GABRG3: variants seen among roughly 807,000 people sequenced by gnomAD.
The protein encoded by GABRG3 is gamma-aminobutyric acid type A receptor subunit gamma3, also known as gamma-aminobutyric acid receptor subunit gamma-3.
In GABRG3, 25 loss-of-function variants were observed where a neutral mutation model predicts 48.8. That is an observed-to-expected ratio of 0.51 (90% CI 0.37 to 0.72). The LOEUF (loss-of-function observed/expected upper bound fraction) is 0.72. Among genes scored for constraint, GABRG3 ranks in the 30% least tolerant of loss-of-function variants. The pLI, the probability that GABRG3 is intolerant of heterozygous loss-of-function variation, is 0.00. For synonymous variants in GABRG3, 227 were observed against 217.6 expected (o/e 1.04, Z -0.38); for missense variants, 394 against 577.9 (o/e 0.68, Z 3.26).
At position 27,457,478 on chromosome 15, in the gene GABRG3, A is replaced by G. The variant is rs1889318120; in HGVS notation, c.575-23172A>G. 6.6e-6 allele frequency among the ~76,000 whole-genome samples: 1 copy of G among 152,132 alleles called. No individual in the cohort carries two copies. Among genetic ancestry groups the G allele is most frequent in the South Asian group, 2.1e-4 (1 of 4,822 alleles). On this transcript the variant is annotated intron_variant, in intron 5 of 9. Transcript: ENST00000615808. The surrounding 1 kb of genome is among the most constrained non-coding windows in gnomAD (Gnocchi z 4.4). The stretch of plus-strand genomic sequence containing the variant: ...TTCTTGGGCACATTTCTTTCTTGAG[A>G]TAAACAATCTTTTAACACAGCAATG...
At position 27,256,098 on chromosome 15, in the gene GABRG3, G is replaced by C. The variant is rs139452683; in HGVS notation, c.271-70711G>C. Among the ~76,000 whole-genome samples the C allele has an allele frequency of 3.5e-3, 533 of 152,182 alleles. 4 individuals are homozygous for C. Among genetic ancestry groups the C allele is most frequent in the African/African-American group, 0.012 (491 of 41,524 alleles). On this transcript the variant is annotated intron_variant, in intron 3 of 9. Coordinates refer to ENST00000615808, the MANE Select transcript of GABRG3 (RefSeq NM_033223.5). The stretch of plus-strand genomic sequence containing the variant: ...CACGTGGGCCCAATCCAATCACCAG[G>C]GTCTTTGTAAGAGGGAGGCAAGAGG...
At chr15:27,300,379 G>A (rs1199793535) in intron 3 of GABRG3, among the ~76,000 whole-genome samples, 4 of 152,028 alleles carry the variant, frequency 2.6e-5, no homozygotes, top group Non-Finnish European at 5.9e-5. Flanking sequence ...TTAAAAACAT[G>A]CAGGCCAGGC....
chr15:27,101,081 A>G (rs1897348157), intron 3 of GABRG3, among the ~76,000 whole-genome samples: 1 of 152,246 alleles, frequency 6.6e-6, no homozygotes, highest in Admixed American at 6.5e-5. Flanking sequence ...AATCTACCAG[A>G]TAATCCTAGG....
In GABRG3 at chr15:27,205,703, C is replaced by T. The variant is rs566042023; in HGVS notation, c.271-121106C>T. Among the ~76,000 whole-genome samples the T allele has an allele frequency of 2.2e-4, 34 of 151,522 alleles. 1 individual carries two copies. The South Asian group carries it at 6.9e-3, about 31-fold the overall frequency. On this transcript the variant is annotated intron_variant, in intron 3 of 9. Coordinates refer to ENST00000615808, the MANE Select transcript of GABRG3 (RefSeq NM_033223.5). ...AATTCATTTGGGCCAGGGCTTTTCCCGGTTGGTAGGATTTTTTTTTTTTTA... is the reference window on the plus strand; with the variant it reads ...AATTCATTTGGGCCAGGGCTTTTCCTGGTTGGTAGGATTTTTTTTTTTTTA...
chr15:27,270,608 G>A (rs1021327344), intron 3 of GABRG3, among the ~76,000 whole-genome samples: 1 of 152,136 alleles, frequency 6.6e-6, no homozygotes, highest in Admixed American at 6.5e-5. Flanking sequence ...AAATTGGAGA[G>A]GTTGTTCCAC....
At chr15:27,308,242 A>T (rs866745089) in intron 3 of GABRG3, among the ~76,000 whole-genome samples, 2 of 135,564 alleles carry the variant, frequency 1.5e-5, no homozygotes, top group African/African-American at 5.7e-5. Context: ...ATATCCAAAC[A>T]TATATAAACA....
intron 3 of GABRG3, among the ~76,000 whole-genome samples, chr15:27,040,847 G>A (rs1896264541): frequency 1.3e-5 from 2 of 152,196 alleles, no homozygotes; most frequent in Admixed American, 1.3e-4. Context: ...CATGAGATAA[G>A]AAGGGACCAT....
chr15:27,277,289 T>C (rs1299763259), intron 3 of GABRG3, among the ~76,000 whole-genome samples: 2 of 152,264 alleles, frequency 1.3e-5, no homozygotes, highest in South Asian at 4.1e-4. Context: ...TGAGCGGTCA[T>C]GCAAAAAGTG....
intron 5 of GABRG3, among the ~76,000 whole-genome samples, chr15:27,461,924 G>C (rs112843489): frequency 1.3e-4 from 20 of 152,266 alleles, no homozygotes; most frequent in African/African-American, 4.3e-4. Flanking sequence ...CATCTCACGA[G>C]AAAAGTGAAC....
intron 5 of GABRG3, among the ~76,000 whole-genome samples, chr15:27,374,224 T>G (rs1380448488): frequency 7.2e-6 from 1 of 139,122 alleles, no homozygotes; most frequent in Non-Finnish European, 1.5e-5. Flanking sequence ...CTTGACCTCC[T>G]CAGGCTCAGG....
At chr15:27,138,195 T>C (rs955424677) in intron 3 of GABRG3, among the ~76,000 whole-genome samples, 2 of 152,366 alleles carry the variant, frequency 1.3e-5, no homozygotes, top group African/African-American at 4.8e-5. Flanking sequence ...CATATCCTGC[T>C]CTTCTGATCC....
chr15:27,424,443 C>T (rs1438499169), intron 5 of GABRG3, among the ~76,000 whole-genome samples: 1 of 151,878 alleles, frequency 6.6e-6, no homozygotes, highest in African/African-American at 2.4e-5. Context: ...ATGGCAGGGT[C>T]GGAGGGCAGA....
In GABRG3 at chr15:27,306,661, CATGTTTATATATAAACATATAT is replaced by C. The variant is rs1566768734; in HGVS notation, c.271-20144_271-20123del. On this transcript the variant is annotated intron_variant, in intron 3 of 9. Coordinates refer to ENST00000615808, the MANE Select transcript of GABRG3 (RefSeq NM_033223.5). ...ATTTATATATAAACATATATATGAA[CATGTTTATATATAAACATATAT>C]ATGAACATGTTTATATATAAACATA... Among the ~76,000 whole-genome samples the C allele has an allele frequency of 3.7e-3, 216 of 58,588 alleles. 4 individuals carry two copies. The highest frequency in any genetic ancestry group is 8.0e-3 in the African/African-American group (117 of 14,580). 38.4% of individuals were successfully genotyped at this position (58,588 alleles called of 152,430 possible).
intron 3 of GABRG3, among the ~76,000 whole-genome samples, chr15:27,265,617 G>A (rs1890893256): frequency 6.6e-5 from 10 of 152,126 alleles, no homozygotes; most frequent in Admixed American, 6.5e-4. Flanking sequence ...GGTCTTCAAG[G>A]ACCATGCTGG....
chr15:27,088,267 G>A (rs746221918), intron 3 of GABRG3, among the ~76,000 whole-genome samples: 303 of 151,032 alleles, frequency 2.0e-3, no homozygotes, highest in Non-Finnish European at 3.7e-3. Flanking sequence ...GGGGGCGGGC[G>A]CGGGGGCGGG....
chr15:27,013,462 T>C (rs1049313072), intron 2 of GABRG3, among the ~76,000 whole-genome samples: 3 of 152,148 alleles, frequency 2.0e-5, no homozygotes, highest in African/African-American at 7.2e-5. Context: ...AATATAATGA[T>C]CTTTTCCAAT....
chr15:27,308,992 A>T (rs938463968), intron 3 of GABRG3, among the ~76,000 whole-genome samples: 1 of 150,736 alleles, frequency 6.6e-6, no homozygotes, highest in African/African-American at 2.4e-5. Flanking sequence ...TTATATGAAA[A>T]CACATATAAT....
chr15:27,055,783 A>G (rs150990053), intron 3 of GABRG3, among the ~76,000 whole-genome samples: 20 of 152,338 alleles, frequency 1.3e-4, no homozygotes, highest in African/African-American at 3.6e-4. Context: ...CCCAACCAGT[A>G]ATGATGGAGA....
chr15:27,207,653 AG>A (rs1467863335), intron 3 of GABRG3, among the ~76,000 whole-genome samples: 6 of 152,298 alleles, frequency 3.9e-5, no homozygotes, highest in Middle Eastern at 3.4e-3. Context: ...GGGGGACACC[AG>A]GGGGGCACAG....
Sources: allele counts gnomAD v4.1 joint callset (sites outside exome capture counted in the v4.1 genomes callset), GRCh38; gene constraint gnomAD v4.1.1; non-coding constraint Gnocchi (gnomAD v3.1); transcripts MANE v1.5; gene names NCBI Gene and HGNC (gene_info 2026-07-23, HGNC 2026-07-21).